The following PPP1R12A variants were observed in gnomAD, a reference collection of about 807,000 sequenced individuals.
The protein encoded by PPP1R12A is myosin binding subunit.
In PPP1R12A, 19 loss-of-function variants were observed where a neutral mutation model predicts 139.6. That is an observed-to-expected ratio of 0.14 (90% CI 0.09 to 0.20). The LOEUF (loss-of-function observed/expected upper bound fraction) is 0.20, where lower values mean the gene tolerates loss of function less well. PPP1R12A is among the 10% of genes least tolerant of loss of function. The pLI, the probability that PPP1R12A is intolerant of heterozygous loss-of-function variation, is 1.00. For missense variants in PPP1R12A, 925 were observed against 1,211.5 expected, an observed-to-expected ratio of 0.76 and a Z score of 3.51; for synonymous variants, 427 against 420.6, an observed-to-expected ratio of 1.02 and a Z score of -0.19.
intron 1 of PPP1R12A, among the ~76,000 whole-genome samples, chr12:79,914,754 G>A (rs1464297254): frequency 2.6e-5 from 4 of 151,874 alleles, no homozygotes; most frequent in African/African-American, 9.7e-5. Context: ...TTAGAACTCA[G>A]GAGGAGATAA....
chr12:79,776,164 A>G lies in PPP1R12A; in HGVS notation c.3007-149T>C, dbSNP rs567995382. 1.9e-5 allele frequency: 9 copies of G among 477,944 alleles called. No individual in the cohort carries two copies. The South Asian group carries it at 4.3e-4, about 23-fold the overall frequency. The allele number at this position is 477,944 out of a possible 1,614,324, so 29.6% of individuals were successfully genotyped here. ...TCTAGTATCTAAAACATGTATCAGG[A>G]AGAAGGAAAAAAACCACACCTGGAT... On this transcript the variant is annotated intron_variant, in intron 24 of 24. Coordinates refer to ENST00000450142, the MANE Select transcript of PPP1R12A (RefSeq NM_002480.3).
Position 79,828,276 on chromosome 12 carries a change from T to C in PPP1R12A, c.792+44A>G, listed in dbSNP as rs374924764. ...TTTCTAAATATACTTTCTAAAACTA[T>C]ATTTCTAAAAGTTAAAGTATTAAAA... On this transcript the variant is annotated intron_variant, in intron 5 of 24. Transcript: ENST00000450142. 7 of 1,521,290 alleles carry C rather than the reference T, an allele frequency of 4.6e-6. No homozygotes were observed. The African/African-American group carries it at 6.9e-5, about 15-fold the overall frequency. The allele number at this position is 1,521,290 out of a possible 1,614,324, so 94.2% of individuals were successfully genotyped here. A position where few individuals can be genotyped will look rare whatever the true frequency, so the allele number is the denominator to read the frequency against.
At chr12:79,875,917 G>C (rs2137351388) in intron 1 of PPP1R12A, among the ~76,000 whole-genome samples, 1 of 152,126 alleles carries the variant, frequency 6.6e-6, no homozygotes, top group African/African-American at 2.4e-5. Flanking sequence ...CTATTTTCTA[G>C]GACTGAAAAC....
At chr12:79,789,903 C>A (rs896383420) in intron 20 of PPP1R12A, among the ~76,000 whole-genome samples, 1 of 151,726 alleles carries the variant, frequency 6.6e-6, no homozygotes, top group African/African-American at 2.4e-5. Context: ...ACTCAGCCTC[C>A]CCAGCAGCTA....
intron 1 of PPP1R12A, among the ~76,000 whole-genome samples, chr12:79,886,551 T>C (rs766484834): frequency 6.6e-6 from 1 of 152,108 alleles, no homozygotes; most frequent in Non-Finnish European, 1.5e-5. Context: ...GAACTCTTCA[T>C]TTGGACAAAC....
intron 9 of PPP1R12A, among the ~76,000 whole-genome samples, chr12:79,814,051 T>G (rs1874937637): frequency 1.3e-5 from 2 of 152,156 alleles, no homozygotes; most frequent in Admixed American, 6.5e-5. Context: ...TTAAGGAAAT[T>G]TAATGTTAGG....
intron 9 of PPP1R12A, among the ~76,000 whole-genome samples, chr12:79,814,976 T>G (rs1565755451): frequency 6.6e-6 from 1 of 152,098 alleles, no homozygotes; most frequent in Non-Finnish European, 1.5e-5. Flanking sequence ...TATGCAAATT[T>G]AGAAGCAGAT....
intron 1 of PPP1R12A, among the ~76,000 whole-genome samples, chr12:79,934,453 T>C (rs1040986425): frequency 2.6e-5 from 4 of 152,188 alleles, no homozygotes; most frequent in African/African-American, 9.7e-5. Context: ...TTTTCCCCTA[T>C]GCCCCGGAAA....
intron 2 of PPP1R12A, among the ~76,000 whole-genome samples, chr12:79,865,547 T>C (rs1881865881): frequency 6.6e-6 from 1 of 152,094 alleles, no homozygotes; most frequent in Admixed American, 6.6e-5. Flanking sequence ...TTACAGATGA[T>C]AAGATTGTAT....
intron 10 of PPP1R12A, among the ~76,000 whole-genome samples, chr12:79,809,317 G>A (rs1874240468): frequency 6.6e-6 from 1 of 151,994 alleles, no homozygotes. Flanking sequence ...ATATAATGCA[G>A]TATTAATACC....
intron 2 of PPP1R12A, among the ~76,000 whole-genome samples, chr12:79,865,832 T>A (rs926046527): frequency 7.2e-5 from 11 of 152,084 alleles, no homozygotes; most frequent in Non-Finnish European, 1.5e-5. Context: ...CACAAACAAA[T>A]GGAAAAACAT....
rs773807406 is a variant in PPP1R12A, at chr12:79,786,438, G to A, written c.2843C>T (p.Ala948Val). 5.1e-6 allele frequency: 8 copies of A among 1,559,960 alleles called. No homozygotes were observed. Among genetic ancestry groups the A allele is most frequent in the Non-Finnish European group, 6.9e-6 (8 of 1,152,066 alleles). The change falls in exon 22 of 25, where the codon GCA becomes GTA. Residue 948 changes from alanine (A) to valine (V), a missense_variant. This residue lies in a region of PPP1R12A where 315 missense variants were observed against 363.4 expected (regional missense o/e 0.87). Transcript: ENST00000450142. ...TTCCATATTTGTATCATGTAGCTGT[G>A]CCTTCAGCTTTTCATTTTCAGCTAG... ...QILAENEKLK[A>V]QLHDTNMELT...
chr12:79,862,766 G>GA lies in PPP1R12A; in HGVS notation c.368+10041dup, dbSNP rs528472441. On this transcript the variant is annotated intron_variant, in intron 2 of 24. Coordinates refer to ENST00000450142, the MANE Select transcript of PPP1R12A (RefSeq NM_002480.3). ...AATAAAGGAAAAAGAGAAGTTTAGA[G>GA]AAAAAACAGTAAAAAGAAATGAATA... 6.2e-4 allele frequency among the ~76,000 whole-genome samples: 95 copies of GA among 152,180 alleles called. 1 individual carries two copies. The highest frequency in any genetic ancestry group is 2.2e-3 in the African/African-American group (92 of 41,516).
At chr12:79,818,586 GTCTT>G (rs1353776282) in intron 8 of PPP1R12A, among the ~76,000 whole-genome samples, 1 of 152,112 alleles carries the variant, frequency 6.6e-6, no homozygotes. Flanking sequence ...TATTGCTGTA[GTCTT>G]TCTATCCATT....
At chr12:79,842,959 C>T (rs1324843518) in intron 3 of PPP1R12A, among the ~76,000 whole-genome samples, 1 of 152,086 alleles carries the variant, frequency 6.6e-6, no homozygotes, top group Non-Finnish European at 1.5e-5. Flanking sequence ...CCTTTTCTCC[C>T]CTCCTTCCAG....
intron 3 of PPP1R12A, among the ~76,000 whole-genome samples, chr12:79,837,510 A>G (rs1260454787): frequency 6.6e-6 from 1 of 152,218 alleles, no homozygotes; most frequent in East Asian, 1.9e-4. Context: ...TTTCATACCT[A>G]GATAATTTGA....
chr12:79,784,919 G>A (rs1285270736), intron 22 of PPP1R12A, among the ~76,000 whole-genome samples: 3 of 152,130 alleles, frequency 2.0e-5, no homozygotes, highest in Admixed American at 6.5e-5. Flanking sequence ...AATTACAGGC[G>A]TGAGCCACCG....
At chr12:79,824,924 A>G (rs534948184) in intron 5 of PPP1R12A, 4 of 152,310 alleles carry the variant, frequency 2.6e-5, no homozygotes, top group African/African-American at 7.2e-5. Context: ...TAGAGACATT[A>G]TAAGTCTAAC....
intron 24 of PPP1R12A, chr12:79,777,458 C>T (rs1309738702): frequency 6.1e-6 from 6 of 984,934 alleles, no homozygotes; most frequent in East Asian, 1.1e-4. Flanking sequence ...TTACAAAACA[C>T]GCCTACTAAT....
Sources: gnomAD v4.1 joint callset for allele counts (sites outside exome capture counted in the v4.1 genomes callset) on GRCh38, gnomAD v4.1.1 for gene constraint, gnomAD v4.1.1 regional missense constraint, MANE v1.5 for transcripts, NCBI Gene and HGNC (gene_info 2026-07-23, HGNC 2026-07-21) for gene names.